The following MACROD2 variants were observed in gnomAD, a reference collection of about 807,000 sequenced individuals.
The protein encoded by MACROD2 is ADP-ribose glycohydrolase MACROD2.
Under a neutral mutation model 70.4 loss-of-function variants are expected in MACROD2, and 36 were observed. The observed-to-expected ratio is 0.51, with a 90% CI of 0.39 to 0.68. The LOEUF (loss-of-function observed/expected upper bound fraction) is 0.68, where lower values mean the gene tolerates loss of function less well. Ranked by LOEUF, MACROD2 falls within the 30% of genes least tolerant of loss-of-function variation. MACROD2 has a pLI of 0.00. For synonymous variants in MACROD2, 172 were observed against 178.8 expected, an observed-to-expected ratio of 0.96 and a Z score of 0.30; for missense variants, 496 against 538.4, an observed-to-expected ratio of 0.92 and a Z score of 0.78.
intron 5 of MACROD2, among the ~76,000 whole-genome samples, chr20:15,097,187 A>T (rs2075840225): frequency 6.6e-6 from 1 of 152,138 alleles, no homozygotes; most frequent in Non-Finnish European, 1.5e-5. Flanking sequence ...TTTGACTTGG[A>T]GACTGTAGAC....
At chr20:14,475,340 AT>A (rs1280979337) in intron 3 of MACROD2, among the ~76,000 whole-genome samples, 1 of 152,090 alleles carries the variant, frequency 6.6e-6, no homozygotes, top group Non-Finnish European at 1.5e-5. Flanking sequence ...TAATATAATT[AT>A]TTTTAATAGT....
intron 1 of MACROD2, among the ~76,000 whole-genome samples, chr20:13,998,726 CG>C (rs2052694575): frequency 6.6e-6 from 1 of 151,932 alleles, no homozygotes; most frequent in Non-Finnish European, 1.5e-5. Context: ...GAGGCTGAGG[CG>C]GGTGGATCAT....
At chr20:14,709,008 G>T (rs2071304748) in intron 5 of MACROD2, among the ~76,000 whole-genome samples, 1 of 152,054 alleles carries the variant, frequency 6.6e-6, no homozygotes, top group Admixed American at 6.6e-5. Context: ...TTAGAGTGTG[G>T]GTTGATGTGA....
intron 7 of MACROD2, among the ~76,000 whole-genome samples, chr20:15,433,459 C>CAAAAAAAAAAAA (rs60298297): frequency 9.1e-5 from 8 of 88,248 alleles, no homozygotes; most frequent in African/African-American, 2.6e-4. Context: ...ACAAGAGCTG[C>CAAAAAAAAAAAA]AAAAAAAAAA....
At chr20:14,353,246 A>T (rs1360353652) in intron 3 of MACROD2, among the ~76,000 whole-genome samples, 2 of 152,256 alleles carry the variant, frequency 1.3e-5, no homozygotes, top group East Asian at 3.9e-4. Flanking sequence ...TATTCCAGGA[A>T]GAACAGAAAA....
chr20:14,307,030 C>T (rs976586114), intron 3 of MACROD2, among the ~76,000 whole-genome samples: 31 of 151,752 alleles, frequency 2.0e-4, no homozygotes, highest in African/African-American at 7.5e-4. Context: ...CACACACACA[C>T]ACACACACAC....
chr20:14,836,156 A>C (rs2073027571), intron 5 of MACROD2, among the ~76,000 whole-genome samples: 1 of 152,042 alleles, frequency 6.6e-6, no homozygotes, highest in South Asian at 2.1e-4. Context: ...AGGGGTCCGT[A>C]CTCAAAAAAA....
chr20:15,197,899 G>C (rs1426151338), intron 5 of MACROD2, among the ~76,000 whole-genome samples: 1 of 148,052 alleles, frequency 6.8e-6, no homozygotes, highest in Non-Finnish European at 1.5e-5. Flanking sequence ...TTTTTGCCAT[G>C]TTGCCCAGCC....
intron 6 of MACROD2, among the ~76,000 whole-genome samples, chr20:15,420,804 C>T (rs769424226): frequency 2.9e-4 from 44 of 152,028 alleles, no homozygotes; most frequent in Non-Finnish European, 2.9e-4. Context: ...TTGGTTGTAA[C>T]GCTGGATATG....
chr20:15,164,289 G>C (rs572587651), intron 5 of MACROD2, among the ~76,000 whole-genome samples: 72 of 152,092 alleles, frequency 4.7e-4, no homozygotes, highest in Middle Eastern at 3.4e-3. Context: ...ATCTAGAGAC[G>C]ATTTAAAGTA....
At chr20:15,040,629 G>A (rs915323263) in intron 5 of MACROD2, among the ~76,000 whole-genome samples, 2 of 152,118 alleles carry the variant, frequency 1.3e-5, no homozygotes, top group African/African-American at 4.8e-5. Flanking sequence ...TACCTTTTTG[G>A]ATTGCCAATT....
chr20:15,245,324 G>A (rs2077096184), intron 6 of MACROD2, among the ~76,000 whole-genome samples: 1 of 152,038 alleles, frequency 6.6e-6, no homozygotes, highest in South Asian at 2.1e-4. Context: ...ATGAGAAAAT[G>A]TATTTACTTA....
intron 5 of MACROD2, among the ~76,000 whole-genome samples, chr20:15,095,571 G>T (rs911659108): frequency 6.6e-6 from 1 of 151,896 alleles, no homozygotes; most frequent in African/African-American, 2.4e-5. Flanking sequence ...AGGCTGGAGT[G>T]CAGTGGCACA....
At chr20:14,101,651 A>T (rs907080158) in intron 3 of MACROD2, among the ~76,000 whole-genome samples, 3 of 152,098 alleles carry the variant, frequency 2.0e-5, no homozygotes, top group African/African-American at 7.2e-5. Context: ...AATAAAACCT[A>T]AACAGAAAAA....
At chr20:15,465,110 TAG>T (rs1258180093) in intron 7 of MACROD2, among the ~76,000 whole-genome samples, 4 of 152,130 alleles carry the variant, frequency 2.6e-5, no homozygotes, top group African/African-American at 7.2e-5. Context: ...TCTATATAGG[TAG>T]AGTCATAAAT....
At chr20:15,876,119 A>ATGT (rs1380647267) in intron 9 of MACROD2, among the ~76,000 whole-genome samples, 2 of 119,616 alleles carry the variant, frequency 1.7e-5, no homozygotes, top group African/African-American at 6.9e-5. Flanking sequence ...ATATGTGTGT[A>ATGT]TTTTTTTTAT....
At chr20:14,374,586 C>A (rs1264084181) in intron 3 of MACROD2, among the ~76,000 whole-genome samples, 1 of 152,038 alleles carries the variant, frequency 6.6e-6, no homozygotes, top group Admixed American at 6.6e-5. Flanking sequence ...TATTCTTTTT[C>A]TGATAGAAAG....
chr20:15,819,315 T>C (rs1417823230), intron 8 of MACROD2, among the ~76,000 whole-genome samples: 1 of 136,488 alleles, frequency 7.3e-6, no homozygotes, highest in South Asian at 2.2e-4. Flanking sequence ...ATATATATAC[T>C]TATATATAAA....
intron 15 of MACROD2, among the ~76,000 whole-genome samples, chr20:16,003,533 G>T (rs1011944995): frequency 1.3e-5 from 2 of 152,302 alleles, no homozygotes; most frequent in East Asian, 3.9e-4. Context: ...GCTCCAGCAG[G>T]TGTAGCCCAA....
Sources: gnomAD v4.1 joint callset for allele counts (sites outside exome capture counted in the v4.1 genomes callset) on GRCh38, gnomAD v4.1.1 for gene constraint, MANE v1.5 for transcripts, NCBI Gene and HGNC (gene_info 2026-07-23, HGNC 2026-07-21) for gene names.